The following MTMR4 variants were observed in gnomAD, a reference collection of about 807,000 sequenced individuals.
MTMR4 encodes the protein phosphatidylinositol-3,5-bisphosphate 3-phosphatase MTMR4.
In MTMR4, 30 loss-of-function variants were observed where a neutral mutation model predicts 125.5. The observed-to-expected ratio is 0.24, with a 90% CI of 0.18 to 0.32. The LOEUF is 0.32. MTMR4 is among the 10% of genes least tolerant of loss of function. MTMR4 has a pLI of 1.00. For synonymous variants in MTMR4, 498 were observed against 564.5 expected, an observed-to-expected ratio of 0.88 and a Z score of 1.67; for missense variants, 1,039 against 1,511.5, an observed-to-expected ratio of 0.69 and a Z score of 5.18.
At chr17:58,502,731 T>C (rs1387923201) in intron 14 of MTMR4, among the ~76,000 whole-genome samples, 1 of 152,202 alleles carries the variant, frequency 6.6e-6, no homozygotes, top group East Asian at 1.9e-4. Flanking sequence ...TTATAAAAAA[T>C]GTTTCCATAT....
intron 14 of MTMR4, among the ~76,000 whole-genome samples, chr17:58,502,638 G>C (rs1217908303): frequency 6.6e-6 from 1 of 152,054 alleles, no homozygotes; most frequent in Non-Finnish European, 1.5e-5. Flanking sequence ...GTCATGAGAA[G>C]ACAACCTAAT....
Position 58,514,608 on chromosome 17 carries a change from C to A in MTMR4, c.-201G>T. ...CTCCACAATGGAGCGGGCCCAGCTC[C>A]GCCCTCCCGCACGAGTGCAGAAGGG... On this transcript the variant is annotated 5_prime_UTR_variant, in exon 1 of 18. Coordinates refer to ENST00000682306, the MANE Select transcript of MTMR4 (RefSeq NM_001378067.1). The A allele has an allele frequency of 1.0e-6, 1 of 985,234 alleles. No homozygotes were observed. Among genetic ancestry groups the A allele is most frequent in the Non-Finnish European group, 1.2e-6 (1 of 829,868 alleles). The allele number at this position is 985,234 out of a possible 1,614,324, so 61.0% of individuals were successfully genotyped here. A position where few individuals can be genotyped will look rare whatever the true frequency, so the allele number is the denominator to read the frequency against.
Position 58,491,860 on chromosome 17 carries a change from G to A in MTMR4, c.3453-20C>T. On this transcript the variant is annotated intron_variant, in intron 17 of 17. Coordinates refer to ENST00000682306, the MANE Select transcript of MTMR4 (RefSeq NM_001378067.1). ...CAATTTCTGTCAAAGCAGAAAGAGG[G>A]AAGAGTTCATCAGAAATGCCAATAT... is the stretch of plus-strand genomic sequence containing the variant. 1 of 1,607,026 alleles carries A rather than the reference G, an allele frequency of 6.2e-7. No individual in the cohort carries two copies. Among genetic ancestry groups the A allele is most frequent in the Non-Finnish European group, 8.5e-7 (1 of 1,174,224 alleles).
chr17:58,503,844 G>A lies in MTMR4; in HGVS notation c.1753C>T (p.Leu585=). The A allele has an allele frequency of 6.2e-7, 1 of 1,614,176 alleles. No individual in the cohort carries two copies. The highest frequency in any genetic ancestry group is 8.5e-7 in the Non-Finnish European group (1 of 1,180,024). ...RALHLWTAVY[L]PASSPCTLGE... ...AGTGTGCATGGAGATGATGCTGGCA[G>A]ATAAACAGCTGTCCAGAGGTGCAGG... The change falls in exon 14 of 18, where the codon CTG becomes TTG. Residue 585 remains leucine, a synonymous_variant. Transcript: ENST00000682306.
upstream of MTMR4, chr17:58,514,998 C>T (rs529616338): frequency 4.4e-4 from 429 of 985,336 alleles, 1 homozygote; most frequent in Non-Finnish European, 5.0e-4. Context: ...CCACCATGCC[C>T]CTGCCCATCA....
upstream of MTMR4, among the ~76,000 whole-genome samples, chr17:58,518,088 A>G (rs917823798): frequency 4.6e-5 from 7 of 152,212 alleles, no homozygotes; most frequent in African/African-American, 1.7e-4. Context: ...AGACGAGACT[A>G]TACCTGGAGG....
chr17:58,505,651 T>A, intron 9 of MTMR4, 68 bp from the exon 10 acceptor site: 1 of 1,067,534 alleles, frequency 9.4e-7, no homozygotes, highest in Non-Finnish European at 1.4e-6. Flanking sequence ...CTCACACCTG[T>A]AATCCCAGCA....
Position 58,495,625 on chromosome 17 carries a change from C to A in MTMR4, c.2559G>T (p.Gly853=). 6.2e-7 allele frequency: 1 copy of A among 1,614,172 alleles called. No individual in the cohort carries two copies. The highest frequency in any genetic ancestry group is 2.2e-5 in the East Asian group (1 of 44,882). ...CCTGGTGGGAGATACTTGCCACAGA[C>A]CCTGAGGGATCTTGGTTGAGGAAGT... ...STDFLNQDPS[G]SVASISHQEQ... The change falls in exon 15 of 18, where the codon GGG becomes GGT. Residue 853 remains glycine, a synonymous_variant. Coordinates refer to ENST00000682306, the MANE Select transcript of MTMR4 (RefSeq NM_001378067.1).
rs753548640 is a variant in MTMR4 at position 58,508,130 on chromosome 17, G to C, written c.707+31C>G. ...CTCTTTCCTTGTTGCATAAGAAATG[G>C]CCTCCCTACTTCCCAGCCCCACTGC... is the stretch of plus-strand genomic sequence containing the variant. On this transcript the variant is annotated intron_variant, in intron 7 of 17. Transcript: ENST00000682306. This position sits in a 1 kb window ranked among gnomAD's most constrained non-coding sequence, Gnocchi z 4.8. 2 of 1,537,276 alleles carry C rather than the reference G, an allele frequency of 1.3e-6. No homozygotes were observed. The highest frequency in any genetic ancestry group is 1.1e-5 in the South Asian group (1 of 88,632).
chr17:58,509,750 A>G (rs1198945319), intron 4 of MTMR4, among the ~76,000 whole-genome samples: 1 of 152,090 alleles, frequency 6.6e-6, no homozygotes, highest in Admixed American at 6.5e-5. Context: ...ACATTTTCCC[A>G]TAGCATATTG....
In MTMR4 at chr17:58,496,180, T is replaced by C. The variant is rs749902916; in HGVS notation, c.2004A>G (p.Ser668=). 2 of 1,614,200 alleles carry C rather than the reference T, an allele frequency of 1.2e-6. No individual in the cohort carries two copies. Among genetic ancestry groups the C allele is most frequent in the Non-Finnish European group, 1.7e-6 (2 of 1,180,034 alleles). The change falls in exon 15 of 18, where the codon TCA becomes TCG. Residue 668 remains serine (S), a synonymous_variant. Transcript: ENST00000682306. The part of the protein sequence containing the change: ...LEPWHSNPEG[S]ETSFVDSGVG... ...CCCCAGAGTCCACAAAGCTTGTCTCTGATCCCTCAGGATTGCTGTGCCAGG... is the reference window on the plus strand; with the variant it reads ...CCCCAGAGTCCACAAAGCTTGTCTCCGATCCCTCAGGATTGCTGTGCCAGG...
At position 58,491,146 on chromosome 17, in the gene MTMR4, TAGA is replaced by T. The variant is rs767493652; in HGVS notation, c.*514_*516del. 2.6e-5 allele frequency: 4 copies of T among 152,884 alleles called. No homozygotes were observed. The highest frequency in any genetic ancestry group is 4.4e-5 in the Non-Finnish European group (3 of 68,160). 9.5% of individuals were successfully genotyped at this position (152,884 alleles called of 1,614,324 possible). On this transcript the variant is annotated 3_prime_UTR_variant, in exon 18 of 18. Transcript: ENST00000682306. ...CACAGAAAGACAGTACTAATGCAAC[TAGA>T]AGGAGTGCCTCTAAAGGCTGAGCCT...
Position 58,514,402 on chromosome 17 carries a change from G to A in MTMR4, c.6C>T (p.Ser2=), listed in dbSNP as rs1976027052. 1.0e-6 allele frequency: 1 copy of A among 986,504 alleles called. No individual in the cohort carries two copies. Among genetic ancestry groups the A allele is most frequent in the Non-Finnish European group, 1.2e-6 (1 of 830,204 alleles). The allele number at this position is 986,504 out of a possible 1,614,324, so 61.1% of individuals were successfully genotyped here. The change falls in exon 1 of 18, where the codon AGC becomes AGT. Residue 2 remains serine, a synonymous_variant. Coordinates refer to ENST00000682306, the MANE Select transcript of MTMR4 (RefSeq NM_001378067.1). M[S]LTARVSCSML... ...TGGAGCAGGAGACGCGGGCGGTCAG[G>A]CTCATGGTCGCGGGCGGTCTGGGCC... is the stretch of plus-strand genomic sequence containing the variant.
At chr17:58,497,659 C>A (rs1000445365) in intron 14 of MTMR4, among the ~76,000 whole-genome samples, 1 of 152,190 alleles carries the variant, frequency 6.6e-6, no homozygotes, top group African/African-American at 2.4e-5. Flanking sequence ...GAATCCCCAG[C>A]GCCTAGCACA....
chr17:58,516,557 C>G (rs903281143), upstream of MTMR4: 1 of 1,613,844 alleles, frequency 6.2e-7, no homozygotes, highest in African/African-American at 1.3e-5. Flanking sequence ...ACACAATGGC[C>G]TGAGGAAAGA....
chr17:58,510,770 T>A (rs1007320007), intron 4 of MTMR4: 1 of 152,110 alleles, frequency 6.6e-6, no homozygotes, highest in Non-Finnish European at 1.5e-5. Context: ...AGAGATGGGG[T>A]CTCGCTATGT....
chr17:58,506,708 C>T (rs1233470256), intron 9 of MTMR4, 35 bp downstream of exon 9: 2 of 1,607,392 alleles, frequency 1.2e-6, no homozygotes, highest in East Asian at 2.2e-5. Context: ...ACCCAGAGCA[C>T]AGGCTGGCTG....
At position 58,504,144 on chromosome 17, in the gene MTMR4, C is replaced by T. The variant is rs150611243; in HGVS notation, c.1604G>A (p.Arg535His). Residue 535 changes from arginine to histidine, a missense_variant, in exon 13 of 18, where the codon CGC (arginine) becomes CAC (histidine). Arg to His is a conservative substitution (Grantham distance 29). Coordinates refer to ENST00000682306, the MANE Select transcript of MTMR4 (RefSeq NM_001378067.1). This position sits in a 1 kb window ranked among gnomAD's most constrained non-coding sequence, Gnocchi z 7.1. ...AGAGCAGGTCCGCTTGTAGATGTTG[C>T]GCTTCTCTCGCTCACAGGGGTTGTT... ...LANNPCEREK[R>H]NIYKRTCSVW... The T allele has an allele frequency of 4.1e-5, 66 of 1,612,266 alleles. No individual in the cohort carries two copies. The highest frequency in any genetic ancestry group is 8.9e-5 in the East Asian group (4 of 44,886).
upstream of MTMR4, chr17:58,516,568 C>G: frequency 6.2e-7 from 1 of 1,614,104 alleles, no homozygotes; most frequent in Non-Finnish European, 8.5e-7. Flanking sequence ...TGAGGAAAGA[C>G]AGGGTACTCA....
Sources: allele counts gnomAD v4.1 joint callset (sites outside exome capture counted in the v4.1 genomes callset), GRCh38; gene constraint gnomAD v4.1.1; non-coding constraint Gnocchi (gnomAD v3.1); transcripts MANE v1.5; gene names NCBI Gene and HGNC (gene_info 2026-07-23, HGNC 2026-07-21).